The following TENM3 variants were observed in gnomAD, a reference collection of about 807,000 sequenced individuals.
TENM3 encodes the protein teneurin-3.
Under a neutral mutation model 255.1 loss-of-function variants are expected in TENM3, and 63 were observed. The observed-to-expected ratio is 0.25, with a 90% confidence interval of 0.20 to 0.30. The LOEUF (loss-of-function observed/expected upper bound fraction) is 0.30, where lower values mean the gene tolerates loss of function less well. Among genes scored for constraint, TENM3 ranks in the 10% least tolerant of loss-of-function variants. The pLI is 1.00. For missense variants in TENM3, 2,929 were observed against 3,461.1 expected (o/e 0.85, Z 3.86); for synonymous variants, 1,306 against 1,322.3 (o/e 0.99, Z 0.27).
At chr4:182,612,849 C>A (rs1388764305) in intron 4 of TENM3, among the ~76,000 whole-genome samples, 6 of 152,158 alleles carry the variant, frequency 3.9e-5, no homozygotes, top group Non-Finnish European at 8.8e-5. Flanking sequence ...TTCACTGAAG[C>A]CCTTTTCACT....
At chr4:181,740,516 G>C in the TENM3 span, among the ~76,000 whole-genome samples, 232 of 152,160 alleles carry the variant, frequency 1.5e-3, no homozygotes, top group South Asian at 5.2e-3. Context: ...AGTATTAAGT[G>C]ATAGTTTAAT....
intron 3 of TENM3, among the ~76,000 whole-genome samples, chr4:182,553,880 C>G (rs1742324277): frequency 6.6e-6 from 1 of 152,146 alleles, no homozygotes; most frequent in African/African-American, 2.4e-5. Context: ...TCTCAAAGCA[C>G]AAGACCCCTT....
chr4:181,688,628 C>T, the TENM3 span, among the ~76,000 whole-genome samples: 2 of 152,108 alleles, frequency 1.3e-5, no homozygotes, highest in African/African-American at 4.8e-5. Context: ...CACTGTGGTC[C>T]ACTGAGTATC....
At chr4:181,695,800 C>G in the TENM3 span, among the ~76,000 whole-genome samples, 1 of 152,152 alleles carries the variant, frequency 6.6e-6, no homozygotes, top group African/African-American at 2.4e-5. Flanking sequence ...TTTTTGAAAC[C>G]GCTGATCTAC....
At chr4:182,130,036 A>C in the TENM3 span, among the ~76,000 whole-genome samples, 1 of 152,188 alleles carries the variant, frequency 6.6e-6, no homozygotes, top group African/African-American at 2.4e-5. Context: ...ACGTCAGAAT[A>C]GTTTACCACT....
chr4:181,631,787 G>T, the TENM3 span, among the ~76,000 whole-genome samples: 13,582 of 152,210 alleles, frequency 0.089, 642 homozygotes, highest in East Asian at 0.14. Context: ...CACAGGGCAT[G>T]TACACCAGGG....
chr4:182,037,001 C>A, the TENM3 span, among the ~76,000 whole-genome samples: 4 of 152,036 alleles, frequency 2.6e-5, no homozygotes. Flanking sequence ...GTGTTATATA[C>A]TTTTTAAAAA....
At chr4:182,447,737 A>G (rs925143432) in intron 3 of TENM3, among the ~76,000 whole-genome samples, 1 of 152,190 alleles carries the variant, frequency 6.6e-6, no homozygotes, top group Non-Finnish European at 1.5e-5. Context: ...AAGGTGCTTC[A>G]TGTTTTCCTT....
the TENM3 span, among the ~76,000 whole-genome samples, chr4:181,526,170 T>C: frequency 0.71 from 107,967 of 151,854 alleles, 38,585 homozygotes; most frequent in South Asian, 0.84. Flanking sequence ...GGCCCATTTC[T>C]CTGGTTGAAG....
the TENM3 span, among the ~76,000 whole-genome samples, chr4:181,631,930 T>C: frequency 6.6e-6 from 1 of 152,170 alleles, no homozygotes; most frequent in Non-Finnish European, 1.5e-5. Flanking sequence ...ATGCAGGAGC[T>C]GAGGAGAAAA....
chr4:182,791,417 CCTT>C (rs1414966082), intron 25 of TENM3, among the ~76,000 whole-genome samples: 1 of 152,182 alleles, frequency 6.6e-6, no homozygotes, highest in Non-Finnish European at 1.5e-5. Flanking sequence ...CCTGGGATGA[CCTT>C]CTCTCACATT....
rs368455972 is a variant in TENM3, at chr4:182,628,905, T to C, written c.988+16T>C. ...TATTTTATAGGTAAGAACAAGTTCT[T>C]AGAATTACTTTGTCTGTAAATCAGG... On this transcript the variant is annotated intron_variant, in intron 5 of 27. Transcript: ENST00000511685. The C allele has an allele frequency of 6.3e-6, 9 of 1,428,716 alleles. No individual in the cohort carries two copies. The highest frequency in any genetic ancestry group is 8.7e-6 in the Non-Finnish European group (9 of 1,031,218). 88.5% of individuals were successfully genotyped at this position (1,428,716 alleles called of 1,614,324 possible).
the TENM3 span, among the ~76,000 whole-genome samples, chr4:181,637,388 T>C: frequency 5.9e-5 from 9 of 152,300 alleles, no homozygotes; most frequent in South Asian, 4.1e-4. Context: ...GTTCAGCACA[T>C]GGGTGGGGAA....
chr4:181,533,816 C>G, the TENM3 span, among the ~76,000 whole-genome samples: 1 of 152,036 alleles, frequency 6.6e-6, no homozygotes. Context: ...ACCTCCTTTC[C>G]AAACTCTGTC....
intron 1 of TENM3, among the ~76,000 whole-genome samples, chr4:182,214,388 A>T (rs1222500089): frequency 1.3e-5 from 2 of 152,174 alleles, no homozygotes; most frequent in African/African-American, 4.8e-5. Context: ...GAAAAGTTGA[A>T]TGGACATCAG....
the TENM3 span, among the ~76,000 whole-genome samples, chr4:182,006,567 G>C: frequency 6.6e-6 from 1 of 152,046 alleles, no homozygotes; most frequent in East Asian, 1.9e-4. Context: ...GGCATCAGTG[G>C]TGATATCCCC....
At chr4:181,812,372 G>C in the TENM3 span, among the ~76,000 whole-genome samples, 1 of 152,100 alleles carries the variant, frequency 6.6e-6, no homozygotes, top group Non-Finnish European at 1.5e-5. Context: ...TTCAGTTGCT[G>C]CTTTTAACTT....
At chr4:181,491,557 C>T in the TENM3 span, among the ~76,000 whole-genome samples, 1 of 151,856 alleles carries the variant, frequency 6.6e-6, no homozygotes, top group East Asian at 1.9e-4. Flanking sequence ...TATGCAAAGA[C>T]AGAGTAAGGA....
the TENM3 span, among the ~76,000 whole-genome samples, chr4:181,746,756 T>TC: frequency 7.9e-6 from 1 of 127,020 alleles, no homozygotes; most frequent in African/African-American, 3.2e-5. Context: ...TAATCAGCTA[T>TC]TTTTTTTTTT....
Sources: gnomAD v4.1 joint callset for allele counts (sites outside exome capture counted in the v4.1 genomes callset) on GRCh38, gnomAD v4.1.1 for gene constraint, MANE v1.5 for transcripts, NCBI Gene and HGNC (gene_info 2026-07-23, HGNC 2026-07-21) for gene names.